Variants in C20orf203 observed in about 807,000 individuals in gnomAD.
C20orf203 encodes chromosome 20 open reading frame 203, also known as uncharacterized protein C20orf203.
A neutral mutation model predicts 15.9 loss-of-function variants in C20orf203; 16 were observed. The observed-to-expected ratio is 1.01, with a 90% CI of 0.68 to 1.53. The LOEUF is 1.53. C20orf203 is among the 40% of genes most tolerant of loss of function. The pLI, the probability that C20orf203 is intolerant of heterozygous loss-of-function variation, is 0.00. For missense variants in C20orf203, 263 were observed against 247.5 expected (o/e 1.06, Z -0.42); for synonymous variants, 98 against 97.2 (o/e 1.01, Z -0.05).
Position 32,651,119 on chromosome 20 carries a change from G to A in C20orf203, c.34C>T (p.Gln12Ter). The change falls in exon 3 of 6, where the codon CAA (glutamine) becomes TAA (stop). Residue 12 changes from glutamine (Q) to a stop codon, truncating the protein, a stop_gained. Coordinates refer to ENST00000608990, the MANE Select transcript of C20orf203 (RefSeq NM_182584.4). LOFTEE classifies it high-confidence loss of function. ...GGAGGCTGAGGCAGGAGAATCGCTT[G>A]AGCCCGGGAGTTCAAGACAGGCCTA... ...FPRPVLNSRAQAILLPQPPNM... is the reference protein window; with the variant it reads ...FPRPVLNSRA 8.3e-7 allele frequency: 1 copy of A among 1,201,356 alleles called. No homozygotes were observed. Among genetic ancestry groups the A allele is most frequent in the Non-Finnish European group, 1.2e-6 (1 of 861,132 alleles). The allele number at this position is 1,201,356 out of a possible 1,614,324, so 74.4% of individuals were successfully genotyped here. A position where few individuals can be genotyped will look rare whatever the true frequency, so the allele number is the denominator to read the frequency against.
At chr20:32,655,830 G>GT (rs1168300682) in intron 1 of C20orf203, among the ~76,000 whole-genome samples, 1 of 152,174 alleles carries the variant, frequency 6.6e-6, no homozygotes, top group Non-Finnish European at 1.5e-5. Context: ...GGCAGATATG[G>GT]TTGGGATGTT....
At chr20:32,668,603 G>T (rs976352850) in intron 1 of C20orf203, among the ~76,000 whole-genome samples, 1 of 151,642 alleles carries the variant, frequency 6.6e-6, no homozygotes, top group Non-Finnish European at 1.5e-5. Flanking sequence ...TCCAGCCTAG[G>T]TGACAGAGTG....
In C20orf203 at chr20:32,650,793, T is replaced by C; in HGVS notation, c.224A>G (p.His75Arg). ...CTGGCGCTGGTGGCTGGGCTGGGGG[T>C]GGACTCGCTGAGCCTTTGAGGTCCT... ...GRRTSKAQRV[H>R]PQPSHQRQPP... The change falls in exon 4 of 6, where the codon CAC (histidine) becomes CGC (arginine). Residue 75 changes from histidine (H) to arginine (R), a missense_variant. His to Arg is a conservative substitution (Grantham distance 29, BLOSUM62 0). Coordinates refer to ENST00000608990, the MANE Select transcript of C20orf203 (RefSeq NM_182584.4). 1 of 1,501,088 alleles carries C rather than the reference T, an allele frequency of 6.7e-7. No individual in the cohort carries two copies. The highest frequency in any genetic ancestry group is 8.9e-7 in the Non-Finnish European group (1 of 1,123,414). The allele number at this position is 1,501,088 out of a possible 1,614,324, so 93.0% of individuals were successfully genotyped here.
intron 2 of C20orf203, among the ~76,000 whole-genome samples, chr20:32,651,476 C>A (rs1176648073): frequency 6.6e-6 from 1 of 152,246 alleles, no homozygotes; most frequent in Non-Finnish European, 1.5e-5. Context: ...CAAAGCAGGG[C>A]TGTAGGCTCA....
chr20:32,641,142 G>A (rs1982269355), intron 4 of C20orf203, among the ~76,000 whole-genome samples: 1 of 152,014 alleles, frequency 6.6e-6, no homozygotes, highest in Non-Finnish European at 1.5e-5. Context: ...CACATAGTGA[G>A]ACCCTGTCTC....
intron 1 of C20orf203, among the ~76,000 whole-genome samples, chr20:32,667,434 T>C (rs931968933): frequency 7.9e-5 from 12 of 152,234 alleles, no homozygotes; most frequent in East Asian, 7.7e-4. Flanking sequence ...GACAAGGCTG[T>C]GGGCAGGCAG....
chr20:32,647,344 G>A (rs1229929925), intron 4 of C20orf203, among the ~76,000 whole-genome samples: 6 of 149,650 alleles, frequency 4.0e-5, no homozygotes, highest in South Asian at 2.1e-4. Context: ...GCAGTGAGCC[G>A]AGATCCTGCC....
intron 1 of C20orf203, among the ~76,000 whole-genome samples, chr20:32,665,093 G>C (rs1982987188): frequency 1.3e-5 from 2 of 152,226 alleles, no homozygotes; most frequent in African/African-American, 4.8e-5. Flanking sequence ...ATGGAGCTTG[G>C]GGGAGACTTT....
intron 5 of C20orf203, among the ~76,000 whole-genome samples, chr20:32,638,725 C>G (rs1982201610): frequency 6.6e-6 from 1 of 152,270 alleles, no homozygotes; most frequent in Admixed American, 6.5e-5. Flanking sequence ...GCTTCCTCTT[C>G]TCTCCTGAAA....
At chr20:32,657,627 T>TATACC (rs1242788975) in intron 1 of C20orf203, 1 of 151,548 alleles carries the variant, frequency 6.6e-6, no homozygotes, top group Non-Finnish European at 1.5e-5. Flanking sequence ...AGGTCCAAGA[T>TATACC]ATACCACCAA....
Position 32,649,410 on chromosome 20 carries a change from G to A in C20orf203, c.*1022C>T, listed in dbSNP as rs1407448134. 1.3e-5 allele frequency: 2 copies of A among 152,354 alleles called. No homozygotes were observed. Among genetic ancestry groups the A allele is most frequent in the African/African-American group, 2.4e-5 (1 of 41,464 alleles). The allele number at this position is 152,354 out of a possible 1,614,324, so 9.4% of individuals were successfully genotyped here. A position where few individuals can be genotyped will look rare whatever the true frequency, so the allele number is the denominator to read the frequency against. On this transcript the variant is annotated 3_prime_UTR_variant, in exon 4 of 6. Coordinates refer to ENST00000608990, the MANE Select transcript of C20orf203 (RefSeq NM_182584.4). ...CAAAACCAGACCCAACACATAGTAAGCTGTTTAATCCTCACATCAGCCCAT... is the reference window on the plus strand; with the variant it reads ...CAAAACCAGACCCAACACATAGTAAACTGTTTAATCCTCACATCAGCCCAT...
At chr20:32,646,359 C>T (rs1459137528) in intron 4 of C20orf203, among the ~76,000 whole-genome samples, 1 of 152,078 alleles carries the variant, frequency 6.6e-6, no homozygotes, top group African/African-American at 2.4e-5. Context: ...GCACATGACA[C>T]CACGCCTTGT....
intron 4 of C20orf203, among the ~76,000 whole-genome samples, chr20:32,646,175 AT>A (rs555458436): frequency 0.39 from 41,469 of 105,700 alleles, 7,237 homozygotes; most frequent in Middle Eastern, 0.56. Context: ...CTTGATCCCA[AT>A]TTTTTTTTTT....
intron 2 of C20orf203, 39 bp downstream of exon 2, chr20:32,651,694 C>T (rs1304614229): frequency 6.6e-6 from 1 of 152,488 alleles, no homozygotes; most frequent in Non-Finnish European, 1.5e-5. Context: ...GTCTGGGGAA[C>T]TGGGGGGTGA....
intron 5 of C20orf203, among the ~76,000 whole-genome samples, chr20:32,638,597 G>C (rs1360747616): frequency 6.6e-6 from 1 of 152,240 alleles, no homozygotes; most frequent in Non-Finnish European, 1.5e-5. Context: ...AGAGGACAGA[G>C]ACCCAGAGCC....
intron 1 of C20orf203, among the ~76,000 whole-genome samples, chr20:32,665,850 C>T (rs906617918): frequency 2.0e-5 from 3 of 152,076 alleles, no homozygotes; most frequent in African/African-American, 4.8e-5. Context: ...GCAGGAAAAT[C>T]GCTTGAACCC....
chr20:32,648,607 A>ATGTTTTTTTTTT (rs58582539), intron 4 of C20orf203, among the ~76,000 whole-genome samples: 1 of 125,900 alleles, frequency 7.9e-6, no homozygotes, highest in Non-Finnish European at 1.7e-5. Context: ...AATCTGGCTA[A>ATGTTTTTTTTTT]TTTTTTTTTT....
Position 32,650,799 on chromosome 20 carries a change from C to G in C20orf203, c.218G>C (p.Arg73Pro). 1 of 1,497,780 alleles carries G rather than the reference C, an allele frequency of 6.7e-7. No individual in the cohort carries two copies. Among genetic ancestry groups the G allele is most frequent in the Non-Finnish European group, 8.9e-7 (1 of 1,121,504 alleles). 92.8% of individuals were successfully genotyped at this position (1,497,780 alleles called of 1,614,324 possible). A position where few individuals can be genotyped will look rare whatever the true frequency, so the allele number is the denominator to read the frequency against. Residue 73 changes from arginine (R) to proline (P), a missense_variant, in exon 4 of 6, where the codon CGA becomes CCA. Arg to Pro is a moderately radical substitution (Grantham distance 103). Coordinates refer to ENST00000608990, the MANE Select transcript of C20orf203 (RefSeq NM_182584.4). ...CTGGTGGCTGGGCTGGGGGTGGACT[C>G]GCTGAGCCTTTGAGGTCCTCCTTCC... ...GAGRRTSKAQRVHPQPSHQRQ... is the reference protein window; with the variant it reads ...GAGRRTSKAQPVHPQPSHQRQ...
chr20:32,650,367 T>C lies in C20orf203; in HGVS notation c.*65A>G, dbSNP rs901477966. On this transcript the variant is annotated 3_prime_UTR_variant, in exon 4 of 6. Transcript: ENST00000608990. ...TGGGGGGTGGTAACAGGGGACACCC[T>C]GAGGTGGTGGTGGCCTTGGTAGGAC... The C allele has an allele frequency of 2.5e-6, 3 of 1,189,400 alleles. No individual in the cohort carries two copies. In the African/African-American group the frequency reaches 4.5e-5, roughly 18 times the overall value. The allele number at this position is 1,189,400 out of a possible 1,614,324, so 73.7% of individuals were successfully genotyped here. A position where few individuals can be genotyped will look rare whatever the true frequency, so the allele number is the denominator to read the frequency against.
Sources: gnomAD v4.1 joint callset for allele counts (sites outside exome capture counted in the v4.1 genomes callset) on GRCh38, gnomAD v4.1.1 for gene constraint, MANE v1.5 for transcripts, NCBI Gene and HGNC (gene_info 2026-07-23, HGNC 2026-07-21) for gene names.